Variants in CAPN14 observed in about 807,000 individuals in gnomAD.
The protein encoded by CAPN14 is calpain 14, also known as calpain-14.
Under a neutral mutation model 101.3 loss-of-function variants are expected in CAPN14, and 94 were observed. That is an observed-to-expected ratio of 0.93 (90% confidence interval 0.79 to 1.10). CAPN14 has a LOEUF of 1.10. CAPN14 is among the 50% of genes least tolerant of loss of function. The probability of loss-of-function intolerance (pLI) is 0.00; values close to 1 mark genes in which losing one functional copy is unlikely to be tolerated. For synonymous variants in CAPN14, 338 were observed against 317.9 expected, an observed-to-expected ratio of 1.06 and a Z score of -0.67; for missense variants, 837 against 828.4, an observed-to-expected ratio of 1.01 and a Z score of -0.13.
intron 5 of CAPN14, among the ~76,000 whole-genome samples, chr2:31,201,258 CGT>C (rs928247453): frequency 6.6e-6 from 1 of 151,222 alleles, no homozygotes; most frequent in Non-Finnish European, 1.5e-5. Context: ...TATGTGCATG[CGT>C]GTGTGTGTGC....
At position 31,202,148 on chromosome 2, in the gene CAPN14, T is replaced by C. The variant is rs760527269; in HGVS notation, c.400A>G (p.Ile134Val). The C allele has an allele frequency of 3.2e-6, 5 of 1,551,858 alleles. No homozygotes were observed. The highest frequency in any genetic ancestry group is 3.5e-6 in the Non-Finnish European group (4 of 1,146,982). Residue 134 changes from isoleucine (I) to valine (V), a missense_variant, in exon 4 of 22, where the codon ATC becomes GTC. Transcript: ENST00000403897. ...AAGACACTCACCCAGAACCGGAAGA[T>C]GCCAGCATACTTCTCAGTGAAACTC... ...NQSFTEKYAG[I>V]FRFWFWHYGN...
At chr2:31,181,119 C>G in intron 16 of CAPN14, 119 bp from the exon 17 acceptor site, 1 of 750,464 alleles carries the variant, frequency 1.3e-6, no homozygotes, top group African/African-American at 1.7e-5. Context: ...TGTACGTGGG[C>G]TGGGAAGAGT....
chr2:31,222,463 G>A (rs1395537598), upstream of CAPN14, among the ~76,000 whole-genome samples: 1 of 152,126 alleles, frequency 6.6e-6, no homozygotes, highest in Non-Finnish European at 1.5e-5. Context: ...TTACTAGTTG[G>A]ATAGCCTCAA....
chr2:31,210,655 A>G (rs1682350290), intron 1 of CAPN14, among the ~76,000 whole-genome samples: 1 of 152,220 alleles, frequency 6.6e-6, no homozygotes, highest in South Asian at 2.1e-4. Context: ...TAAATTACCC[A>G]TATTTCCACT....
chr2:31,211,249 A>G (rs796495182), intron 1 of CAPN14, among the ~76,000 whole-genome samples: 6,213 of 150,612 alleles, frequency 0.041, 141 homozygotes, highest in African/African-American at 0.053. Flanking sequence ...AGAGAGAAAG[A>G]GAGGGAGGGA....
intron 5 of CAPN14, 125 bp downstream of exon 5, chr2:31,201,737 A>G (rs1478445325): frequency 2.2e-5 from 28 of 1,244,462 alleles, no homozygotes; most frequent in Middle Eastern, 2.5e-4. Flanking sequence ...TGTCACTTCT[A>G]TGTTGGCTAA....
At chr2:31,203,358 A>G (rs1681894270) in intron 2 of CAPN14, among the ~76,000 whole-genome samples, 1 of 151,002 alleles carries the variant, frequency 6.6e-6, no homozygotes, top group African/African-American at 2.5e-5. Flanking sequence ...GCCCTGGAGA[A>G]CTCTGTGTAG....
In CAPN14 at chr2:31,202,190, C is replaced by A; in HGVS notation, c.358G>T (p.Val120Phe). ...GTGAAACTCTGATTCAGGGGAACAACCCGGCTCAGGATGTCCTGGTGCAAG... is the reference window on the plus strand; with the variant it reads ...GTGAAACTCTGATTCAGGGGAACAAACCGGCTCAGGATGTCCTGGTGCAAG... The part of the protein sequence containing the change: ...LALHQDILSR[V>F]VPLNQSFTEK... The change falls in exon 4 of 22, where the codon GTT becomes TTT. Residue 120 changes from valine to phenylalanine, a missense_variant. Transcript: ENST00000403897. The A allele has an allele frequency of 6.4e-7, 1 of 1,551,836 alleles. No individual in the cohort carries two copies. Among genetic ancestry groups the A allele is most frequent in the South Asian group, 1.2e-5 (1 of 84,060 alleles).
At chr2:31,209,807 G>C (rs1682295484) in intron 1 of CAPN14, among the ~76,000 whole-genome samples, 1 of 152,064 alleles carries the variant, frequency 6.6e-6, no homozygotes, top group African/African-American at 2.4e-5. Context: ...TTAGTACCTT[G>C]TAATTGGCCA....
intron 9 of CAPN14, 104 bp from the exon 10 acceptor site, chr2:31,193,398 T>C: frequency 8.6e-7 from 1 of 1,159,924 alleles, no homozygotes; most frequent in Non-Finnish European, 1.2e-6. Flanking sequence ...CCCAGCCCTC[T>C]CATGGACAAA....
In CAPN14 at chr2:31,174,620, C is replaced by A; in HGVS notation, c.*61G>T. The A allele has an allele frequency of 6.5e-7, 1 of 1,542,340 alleles. No homozygotes were observed. The highest frequency in any genetic ancestry group is 8.8e-7 in the Non-Finnish European group (1 of 1,139,356). ...AGGGTGGGCATGGGTTGGTCTCAGC[C>A]AAAGGCTGCTCTTGGGCCACATGCA... On this transcript the variant is annotated 3_prime_UTR_variant, in exon 22 of 22. Coordinates refer to ENST00000403897, the MANE Select transcript of CAPN14 (RefSeq NM_001145122.2).
At chr2:31,184,155 T>G (rs1444270238) in intron 16 of CAPN14, among the ~76,000 whole-genome samples, 4 of 152,176 alleles carry the variant, frequency 2.6e-5, no homozygotes, top group Non-Finnish European at 4.4e-5. Flanking sequence ...AGTGCTGGGA[T>G]TACAGGAGTG....
At chr2:31,174,838 T>C in intron 21 of CAPN14, 131 bp from the exon 22 acceptor site, 2 of 789,436 alleles carry the variant, frequency 2.5e-6, no homozygotes, top group Non-Finnish European at 4.2e-6. Flanking sequence ...GAGCATATCA[T>C]CCATTAGGAA....
At chr2:31,229,049 C>T (rs1683108318) in intron 1 of CAPN14, among the ~76,000 whole-genome samples, 1 of 152,192 alleles carries the variant, frequency 6.6e-6, no homozygotes, top group South Asian at 2.1e-4. Context: ...TTACATGCAG[C>T]AGGATATGCT....
chr2:31,199,668 G>A, intron 6 of CAPN14, 136 bp from the exon 7 acceptor site: 1 of 661,844 alleles, frequency 1.5e-6, no homozygotes, highest in African/African-American at 1.8e-5. Context: ...GTACATTGCA[G>A]TTTTCAAAGC....
At chr2:31,229,823 T>C (rs935207828) in intron 1 of CAPN14, among the ~76,000 whole-genome samples, 1 of 152,250 alleles carries the variant, frequency 6.6e-6, no homozygotes, top group Non-Finnish European at 1.5e-5. Context: ...TAGTGTTTTA[T>C]GTTCCTTTGC....
At position 31,201,851 on chromosome 2, in the gene CAPN14, C is replaced by A. The variant is rs777114106; in HGVS notation, c.551+11G>T. ...GCGATGGGAAGGGGGATATTTCTGC[C>A]GGTTTCTTACTTGGCATAGGCCTTT... is the stretch of plus-strand genomic sequence containing the variant. On this transcript the variant is annotated intron_variant, in intron 5 of 21. Coordinates refer to ENST00000403897, the MANE Select transcript of CAPN14 (RefSeq NM_001145122.2). The A allele has an allele frequency of 3.2e-6, 5 of 1,549,420 alleles. No homozygotes were observed. The Admixed American group carries it at 7.9e-5, about 24-fold the overall frequency.
In CAPN14 at chr2:31,177,029, C is replaced by CATGGAGG; in HGVS notation, c.1968_1969insCCTCCAT (p.Glu657ProfsTer3). The stretch of plus-strand genomic sequence containing the variant: ...CCCCAGCTTCCCGCCAGCTTACCCT[C>CATGGAGG]CATGTTCTCTACACGCAGCATCAAG... On this transcript the variant is annotated frameshift_variant, in exon 20 of 22. Transcript: ENST00000403897. LOFTEE classifies it high-confidence loss of function. 2 of 1,550,422 alleles carry CATGGAGG rather than the reference C, an allele frequency of 1.3e-6. No homozygotes were observed. Among genetic ancestry groups the CATGGAGG allele is most frequent in the Non-Finnish European group, 1.7e-6 (2 of 1,145,988 alleles).
upstream of CAPN14, among the ~76,000 whole-genome samples, chr2:31,217,885 G>C (rs568554005): frequency 1.3e-5 from 2 of 152,270 alleles, no homozygotes; most frequent in East Asian, 3.9e-4. Context: ...AGAGATTCCT[G>C]TACATCCCTA....
Sources: gnomAD v4.1 joint callset for allele counts (sites outside exome capture counted in the v4.1 genomes callset) on GRCh38, gnomAD v4.1.1 for gene constraint, MANE v1.5 for transcripts, NCBI Gene and HGNC (gene_info 2026-07-23, HGNC 2026-07-21) for gene names.